LACTBL1: variants seen among roughly 807,000 people sequenced by gnomAD.
The protein encoded by LACTBL1 is beta-lactamase-like protein 1.
LACTBL1 carries 29 observed loss-of-function variants against 39.6 expected under a neutral mutation model. The ratio of observed to expected loss-of-function variants is 0.73; its 90% confidence interval spans 0.55 to 1.00. The LOEUF is 1.00. LACTBL1 is among the 50% of genes least tolerant of loss of function. The probability of loss-of-function intolerance (pLI) is 0.00; values close to 1 mark genes in which losing one functional copy is unlikely to be tolerated. For missense variants in LACTBL1, 711 were observed against 748.5 expected (o/e 0.95, Z 0.59); for synonymous variants, 361 against 360.7 (o/e 1.00, Z -0.01).
Position 22,963,326 on chromosome 1 carries a change from G to C in LACTBL1, c.50-110C>G, listed in dbSNP as rs898718152. On this transcript the variant is annotated intron_variant, in intron 1 of 5. Coordinates refer to ENST00000426928, the Ensembl canonical transcript of LACTBL1. ...GCCTCAAGGACAGCCCTCCCCAGCC[G>C]AGCCGAGCCGGGGGATATCAGGGTC... The C allele has an allele frequency of 1.7e-5, 9 of 536,474 alleles. No individual in the cohort carries two copies. The East Asian group carries it at 2.4e-4, about 15-fold the overall frequency. The allele number at this position is 536,474 out of a possible 1,614,324, so 33.2% of individuals were successfully genotyped here. A position where few individuals can be genotyped will look rare whatever the true frequency, so the allele number is the denominator to read the frequency against.
chr1:22,969,070 G>A (rs1640912879), upstream of LACTBL1, among the ~76,000 whole-genome samples: 1 of 152,130 alleles, frequency 6.6e-6, no homozygotes, highest in Non-Finnish European at 1.5e-5. Context: ...GAATCACTGT[G>A]CCTGGCCAAC....
intron 1 of LACTBL1, among the ~76,000 whole-genome samples, chr1:22,964,979 G>A (rs1640862431): frequency 1.3e-5 from 2 of 152,184 alleles, no homozygotes; most frequent in Admixed American, 1.3e-4. Context: ...GTGGCCAAAG[G>A]CAGAGGAAGG....
At chr1:22,959,969 C>T in exon 3 of LACTBL1, 1 of 1,551,180 alleles carries the variant, frequency 6.4e-7, no homozygotes. Flanking sequence ...ATTGGGGGCC[C>T]CAGAAGCCGG....
the LACTBL1 span, among the ~76,000 whole-genome samples, chr1:22,970,870 C>T: frequency 6.7e-6 from 1 of 150,098 alleles, no homozygotes; most frequent in Non-Finnish European, 1.5e-5. Flanking sequence ...GTAAATGATA[C>T]CTCAATTGTT....
chr1:22,967,299 G>A (rs1052483419), upstream of LACTBL1, among the ~76,000 whole-genome samples: 2 of 152,132 alleles, frequency 1.3e-5, no homozygotes, highest in Admixed American at 6.5e-5. Context: ...AGCCTGGGAG[G>A]TGGAGGTTGC....
At chr1:22,972,727 A>G in the LACTBL1 span, among the ~76,000 whole-genome samples, 122,242 of 152,008 alleles carry the variant, frequency 0.8, 49,592 homozygotes, top group Non-Finnish European at 0.83. Flanking sequence ...CCCAGCCTGC[A>G]GAGAACAATC....
the LACTBL1 span, among the ~76,000 whole-genome samples, chr1:22,972,662 G>A: frequency 6.6e-6 from 1 of 152,030 alleles, no homozygotes; most frequent in Non-Finnish European, 1.5e-5. Flanking sequence ...TAGGCAAATG[G>A]GACCATTGGT....
In LACTBL1 at chr1:22,958,935, G is replaced by A; in HGVS notation, c.318-15C>T. 6.6e-7 allele frequency: 1 copy of A among 1,526,572 alleles called. No homozygotes were observed. The highest frequency in any genetic ancestry group is 8.9e-7 in the Non-Finnish European group (1 of 1,128,298). 94.6% of individuals were successfully genotyped at this position (1,526,572 alleles called of 1,614,324 possible). A position where few individuals can be genotyped will look rare whatever the true frequency, so the allele number is the denominator to read the frequency against. ...TGCTGGAGATCCTAGATAATGTTGG[G>A]AATACAAGCAGTCAAAGGGCATCCT... On this transcript the variant is annotated splice_polypyrimidine_tract_variant and intron_variant, in intron 3 of 5. Coordinates refer to ENST00000426928, the Ensembl canonical transcript of LACTBL1.
intron 4 of LACTBL1, among the ~76,000 whole-genome samples, chr1:22,957,944 G>C (rs757460709): frequency 6.6e-5 from 10 of 152,046 alleles, no homozygotes; most frequent in Non-Finnish European, 1.5e-4. Flanking sequence ...GAGCCACCAC[G>C]CCCAGCCCTT....
At chr1:22,966,641 GT>G (rs200517341), upstream of LACTBL1, among the ~76,000 whole-genome samples, 1,976 of 152,270 alleles carry the variant, frequency 0.013, 27 homozygotes, top group African/African-American at 0.044. Flanking sequence ...CATGCTCATG[GT>G]TTCCGATTCT....
At chr1:22,968,595 T>C (rs1301151073), upstream of LACTBL1, among the ~76,000 whole-genome samples, 1 of 152,216 alleles carries the variant, frequency 6.6e-6, no homozygotes, top group Non-Finnish European at 1.5e-5. Context: ...CTTCATATAC[T>C]CTTGTTTGTG....
At chr1:22,960,597 G>A (rs374998008) in intron 2 of LACTBL1, among the ~76,000 whole-genome samples, 15 of 117,866 alleles carry the variant, frequency 1.3e-4, no homozygotes, top group African/African-American at 4.5e-4. Flanking sequence ...AGCCCAGGCA[G>A]CAAGAGCGAA....
intron 1 of LACTBL1, 112 bp from the exon 4 acceptor site, chr1:22,963,328 G>A: frequency 1.9e-6 from 1 of 522,922 alleles, no homozygotes; most frequent in Non-Finnish European, 3.1e-6. Flanking sequence ...CCCCAGCCGA[G>A]CCGAGCCGGG....
At chr1:22,966,476 A>G (rs1267951442), upstream of LACTBL1, among the ~76,000 whole-genome samples, 1 of 152,158 alleles carries the variant, frequency 6.6e-6, no homozygotes, top group Non-Finnish European at 1.5e-5. Context: ...CTCAGTGGTG[A>G]GTTACCAAAT....
exon 6 of LACTBL1, chr1:22,953,093 T>C: frequency 1.3e-5 from 16 of 1,232,094 alleles, no homozygotes; most frequent in Non-Finnish European, 1.6e-5. Context: ...ACTCTGTACG[T>C]GTTGAGGCCG....
chr1:22,954,092 C>T, intron 5 of LACTBL1, 68 bp from the exon 8 acceptor site: 1 of 1,456,486 alleles, frequency 6.9e-7, no homozygotes, highest in Admixed American at 2.6e-5. Flanking sequence ...TGAAATGCCA[C>T]CAGTTTCATG....
At chr1:22,960,386 C>T (rs948653553) in intron 2 of LACTBL1, among the ~76,000 whole-genome samples, 13 of 152,122 alleles carry the variant, frequency 8.5e-5, no homozygotes, top group African/African-American at 9.7e-5. Flanking sequence ...GAAGCCAAGG[C>T]GGGCAGATCA....
exon 6 of LACTBL1, chr1:22,953,290 G>A: frequency 8.2e-7 from 1 of 1,226,688 alleles, no homozygotes; most frequent in Non-Finnish European, 1.0e-6. Flanking sequence ...GAACGCTGGA[G>A]GCACCAGCGC....
chr1:22,953,484 CCG>C lies in LACTBL1; in HGVS notation c.1198_1199del (p.Arg400GlyfsTer4). On this transcript the variant is annotated frameshift_variant, in exon 6 of 6. Coordinates refer to ENST00000426928, the Ensembl canonical transcript of LACTBL1. LOFTEE classifies it high-confidence loss of function. ...GGGCGGGCAGGAGCTCATCGTAGGC[CCG>C]CGCCACCAGGTCGGGCCCGGGCGGC... 1 of 1,230,426 alleles carries C rather than the reference CCG, an allele frequency of 8.1e-7. No individual in the cohort carries two copies. Among genetic ancestry groups the C allele is most frequent in the Non-Finnish European group, 1.0e-6 (1 of 987,538 alleles). 76.2% of individuals were successfully genotyped at this position (1,230,426 alleles called of 1,614,324 possible).
Sources: allele counts gnomAD v4.1 joint callset (sites outside exome capture counted in the v4.1 genomes callset), GRCh38; gene constraint gnomAD v4.1.1; transcripts MANE v1.5; gene names NCBI Gene and HGNC (gene_info 2026-07-23, HGNC 2026-07-21).